SH3BGRL2: variants seen among roughly 807,000 people sequenced by gnomAD.
SH3BGRL2 encodes the protein SH3 domain-binding glutamic acid-rich-like protein 2.
In SH3BGRL2, 21 loss-of-function variants were observed where a neutral mutation model predicts 14.8. The ratio of observed to expected loss-of-function variants is 1.42; its 90% confidence interval spans 1.01 to 2.05. SH3BGRL2 has a LOEUF of 2.05. Among genes scored for constraint, SH3BGRL2 ranks in the 30% most tolerant of loss-of-function variants. The pLI is 0.00. For synonymous variants in SH3BGRL2, 50 were observed against 47.8 expected, an observed-to-expected ratio of 1.05 and a Z score of -0.19; for missense variants, 147 against 130.8, an observed-to-expected ratio of 1.12 and a Z score of -0.61.
chr6:79,605,879 G>A, the SH3BGRL2 span, among the ~76,000 whole-genome samples: 1 of 152,156 alleles, frequency 6.6e-6, no homozygotes, highest in Non-Finnish European at 1.5e-5. Context: ...AGCAAATTTT[G>A]TCTGGAAATA....
intron 1 of SH3BGRL2, among the ~76,000 whole-genome samples, chr6:79,643,299 G>A (rs570453965): frequency 1.3e-4 from 20 of 152,070 alleles, no homozygotes; most frequent in Non-Finnish European, 2.8e-4. Flanking sequence ...TTGCTCACCA[G>A]AAGAGCCCCT....
chr6:79,586,156 A>G, the SH3BGRL2 span, among the ~76,000 whole-genome samples: 1 of 146,536 alleles, frequency 6.8e-6, no homozygotes, highest in Admixed American at 7.0e-5. Context: ...AGATAGTGCC[A>G]TTGCACTCCA....
At chr6:79,620,423 T>G in the SH3BGRL2 span, among the ~76,000 whole-genome samples, 12 of 152,188 alleles carry the variant, frequency 7.9e-5, no homozygotes, top group East Asian at 1.9e-3. Context: ...AGGCGCATGA[T>G]TATTGCCTGG....
In SH3BGRL2 at chr6:79,700,681, T is replaced by G. The variant is rs1770436963; in HGVS notation, c.*1172T>G. On this transcript the variant is annotated 3_prime_UTR_variant, in exon 4 of 4. Transcript: ENST00000369838. ...CATGAGAAAGAGAGTAACCCGGAAT[T>G]GTACTTGTCAAGCAAAATCTATACT... 1 of 152,152 alleles carries G rather than the reference T, an allele frequency of 6.6e-6. No individual in the cohort carries two copies. Among genetic ancestry groups the G allele is most frequent in the Non-Finnish European group, 1.5e-5 (1 of 68,014 alleles). The allele number at this position is 152,152 out of a possible 1,614,324, so 9.4% of individuals were successfully genotyped here.
At chr6:79,595,508 T>C in the SH3BGRL2 span, among the ~76,000 whole-genome samples, 1 of 152,172 alleles carries the variant, frequency 6.6e-6, no homozygotes, top group Non-Finnish European at 1.5e-5. Flanking sequence ...AAATGGCCTG[T>C]GAATGTATTT....
intron 1 of SH3BGRL2, among the ~76,000 whole-genome samples, chr6:79,658,842 C>T (rs533188854): frequency 1.1e-4 from 17 of 152,228 alleles, no homozygotes; most frequent in African/African-American, 2.4e-4. Flanking sequence ...TTCTAACTGG[C>T]GTGAGATGGT....
the SH3BGRL2 span, among the ~76,000 whole-genome samples, chr6:79,585,250 T>TCTTGAAAAGAGAAGCC: frequency 1.3e-5 from 2 of 152,156 alleles, no homozygotes; most frequent in Non-Finnish European, 2.9e-5. Flanking sequence ...GCCTATAGCC[T>TCTTGAAAAGAGAAGCC]TCTTTCTTCT....
chr6:79,682,299 A>T (rs950946611), intron 2 of SH3BGRL2, among the ~76,000 whole-genome samples: 3 of 151,986 alleles, frequency 2.0e-5, no homozygotes, highest in Admixed American at 6.6e-5. Flanking sequence ...TTTAATTTTT[A>T]TTTATTTATT....
chr6:79,591,985 AT>A, the SH3BGRL2 span, among the ~76,000 whole-genome samples: 1 of 152,146 alleles, frequency 6.6e-6, no homozygotes, highest in Non-Finnish European at 1.5e-5. Flanking sequence ...GTCTCTAAGT[AT>A]TTTTTTATGC....
At chr6:79,565,285 A>G in the SH3BGRL2 span, among the ~76,000 whole-genome samples, 1 of 152,168 alleles carries the variant, frequency 6.6e-6, no homozygotes, top group South Asian at 2.1e-4. Context: ...GGCTCCCTCA[A>G]TGACCTTTAT....
chr6:79,637,675 A>G (rs1430576503), intron 1 of SH3BGRL2, among the ~76,000 whole-genome samples: 1 of 152,088 alleles, frequency 6.6e-6, no homozygotes, highest in Admixed American at 6.5e-5. Flanking sequence ...CTGAGTGACA[A>G]GAGTGAAACT....
chr6:79,650,563 G>T (rs78524892), intron 1 of SH3BGRL2, among the ~76,000 whole-genome samples: 2 of 152,146 alleles, frequency 1.3e-5, no homozygotes, highest in Non-Finnish European at 2.9e-5. Flanking sequence ...TTCATGCCAG[G>T]CATCACATGG....
chr6:79,553,825 T>C, the SH3BGRL2 span, among the ~76,000 whole-genome samples: 1 of 151,820 alleles, frequency 6.6e-6, no homozygotes, highest in East Asian at 1.9e-4. Flanking sequence ...TACAAAAAAT[T>C]AGCGTGGTGG....
At chr6:79,540,109 A>C in the SH3BGRL2 span, among the ~76,000 whole-genome samples, 1 of 152,140 alleles carries the variant, frequency 6.6e-6, no homozygotes, top group African/African-American at 2.4e-5. Context: ...GTTTAAGAGA[A>C]ATCGAATGGA....
At chr6:79,641,080 C>T (rs1299350247) in intron 1 of SH3BGRL2, among the ~76,000 whole-genome samples, 3 of 151,796 alleles carry the variant, frequency 2.0e-5, no homozygotes, top group African/African-American at 4.8e-5. Flanking sequence ...TTCCACAAGA[C>T]GTGGGAGTGT....
chr6:79,579,981 AG>A, the SH3BGRL2 span, among the ~76,000 whole-genome samples: 1 of 152,228 alleles, frequency 6.6e-6, no homozygotes, highest in Non-Finnish European at 1.5e-5. Flanking sequence ...AAGCAAAAAA[AG>A]GCAAGGGTTG....
At chr6:79,631,682 GGGTGGGGGACCCC>G (rs561683012) in intron 1 of SH3BGRL2, among the ~76,000 whole-genome samples, 176 bp downstream of exon 1, 12 of 152,306 alleles carry the variant, frequency 7.9e-5, no homozygotes, top group African/African-American at 2.4e-4. Flanking sequence ...GAGGAAAGGT[GGGTGGGGGACCCC>G]GGCCTCACCC....
At chr6:79,603,426 A>G in the SH3BGRL2 span, among the ~76,000 whole-genome samples, 3 of 152,212 alleles carry the variant, frequency 2.0e-5, no homozygotes, top group African/African-American at 7.2e-5. Flanking sequence ...ATTGATTTAC[A>G]ATTAAACCAA....
At chr6:79,690,311 A>G (rs1486762765) in intron 2 of SH3BGRL2, among the ~76,000 whole-genome samples, 3 of 152,162 alleles carry the variant, frequency 2.0e-5, no homozygotes, top group African/African-American at 7.2e-5. Flanking sequence ...ATTTTTAATC[A>G]CATAGAGACA....
Sources: allele counts gnomAD v4.1 joint callset (sites outside exome capture counted in the v4.1 genomes callset), GRCh38; gene constraint gnomAD v4.1.1; transcripts MANE v1.5; gene names NCBI Gene and HGNC (gene_info 2026-07-23, HGNC 2026-07-21).